Variants in RBMS3 observed in about 807,000 individuals in gnomAD.
The protein encoded by RBMS3 is RNA-binding motif, single-stranded-interacting protein 3.
Under a neutral mutation model 66.8 loss-of-function variants are expected in RBMS3, and 27 were observed. The ratio of observed to expected loss-of-function variants is 0.40; its 90% confidence interval spans 0.30 to 0.56. The LOEUF is 0.56. Among genes scored for constraint, RBMS3 ranks in the 20% least tolerant of loss-of-function variants. The pLI is 0.40. For missense variants in RBMS3, 513 were observed against 549.5 expected, an observed-to-expected ratio of 0.93 and a Z score of 0.66; for synonymous variants, 188 against 183.0, an observed-to-expected ratio of 1.03 and a Z score of -0.22.
chr3:29,640,137 A>G (rs1209709221), intron 4 of RBMS3, among the ~76,000 whole-genome samples: 4 of 151,830 alleles, frequency 2.6e-5, no homozygotes, highest in Non-Finnish European at 5.9e-5. Flanking sequence ...AGAATGGCAT[A>G]TGAGCAGATA....
At chr3:29,663,439 T>C (rs909769687) in intron 4 of RBMS3, among the ~76,000 whole-genome samples, 2 of 152,338 alleles carry the variant, frequency 1.3e-5, no homozygotes, top group Admixed American at 6.5e-5. Flanking sequence ...TTTTGTAGTT[T>C]TGATTAATAA....
At chr3:29,708,345 A>T (rs2053004517) in intron 4 of RBMS3, among the ~76,000 whole-genome samples, 1 of 152,164 alleles carries the variant, frequency 6.6e-6, no homozygotes. Context: ...ATCTTGAAAG[A>T]TATAGTAGCC....
intron 4 of RBMS3, among the ~76,000 whole-genome samples, chr3:29,597,920 T>C (rs896314155): frequency 6.6e-6 from 1 of 152,136 alleles, no homozygotes; most frequent in African/African-American, 2.4e-5. Context: ...TCCCTGGTGT[T>C]CATATTTAAG....
At chr3:29,985,907 T>A (rs185939157) in intron 12 of RBMS3, among the ~76,000 whole-genome samples, 1 of 152,322 alleles carries the variant, frequency 6.6e-6, no homozygotes, top group African/African-American at 2.4e-5. Context: ...TGAACATTGC[T>A]GTATATGGCC....
intron 3 of RBMS3, among the ~76,000 whole-genome samples, chr3:29,519,696 T>C (rs980629080): frequency 6.6e-6 from 1 of 152,136 alleles, no homozygotes; most frequent in Non-Finnish European, 1.5e-5. Context: ...TAGGATAACA[T>C]TAAGGGATAG....
rs1356423068 is a variant in RBMS3, at chr3:29,543,821, A to G, written c.308-43293A>G. On this transcript the variant is annotated intron_variant, in intron 3 of 14. Coordinates refer to ENST00000383767, the MANE Select transcript of RBMS3 (RefSeq NM_001003793.3). Reference sequence around the variant, plus strand: ...TCTGTAACCTGATCCTGAAGGAACTATAAGGTACATCGTTTTTTTCAGGCT... The same window carrying G: ...TCTGTAACCTGATCCTGAAGGAACTGTAAGGTACATCGTTTTTTTCAGGCT... 2.6e-5 allele frequency among the ~76,000 whole-genome samples: 4 copies of G among 152,344 alleles called. 1 individual carries two copies. The South Asian group carries it at 8.3e-4, about 32-fold the overall frequency.
intron 6 of RBMS3, among the ~76,000 whole-genome samples, chr3:29,777,956 T>G (rs924231469): frequency 1.3e-5 from 2 of 151,938 alleles, no homozygotes; most frequent in East Asian, 3.9e-4. Context: ...ACCTTTACAT[T>G]GATTTGAAGT....
intron 3 of RBMS3, among the ~76,000 whole-genome samples, chr3:29,557,038 G>GCTT (rs2046391393): frequency 6.6e-6 from 1 of 152,100 alleles, no homozygotes; most frequent in Non-Finnish European, 1.5e-5. Flanking sequence ...TTCTCTGTCT[G>GCTT]CTTCTTTCTG....
intron 12 of RBMS3, among the ~76,000 whole-genome samples, chr3:29,972,709 G>A (rs916500134): frequency 4.6e-5 from 7 of 152,042 alleles, no homozygotes; most frequent in Non-Finnish European, 8.8e-5. Context: ...TGGCATTCAC[G>A]ATGTGTGGGC....
At chr3:29,870,723 G>A (rs916068566) in intron 7 of RBMS3, among the ~76,000 whole-genome samples, 1 of 152,032 alleles carries the variant, frequency 6.6e-6, no homozygotes, top group African/African-American at 2.4e-5. Flanking sequence ...GGTTTTAAAG[G>A]TATATTCCTA....
chr3:29,901,023 T>C (rs2060239873), intron 10 of RBMS3, among the ~76,000 whole-genome samples: 1 of 151,740 alleles, frequency 6.6e-6, no homozygotes, highest in South Asian at 2.1e-4. Context: ...TAGTTTTTTA[T>C]TTAAAGAATA....
chr3:29,751,000 A>G (rs1187283631), intron 5 of RBMS3, among the ~76,000 whole-genome samples: 1 of 152,186 alleles, frequency 6.6e-6, no homozygotes, highest in East Asian at 1.9e-4. Flanking sequence ...TCTGAAGTCA[A>G]TGCATAATAA....
At chr3:29,632,661 G>C (rs551886845) in intron 4 of RBMS3, among the ~76,000 whole-genome samples, 1 of 151,908 alleles carries the variant, frequency 6.6e-6, no homozygotes, top group South Asian at 2.1e-4. Context: ...TGATCCAAAA[G>C]CCAAGGGAAA....
At chr3:29,581,602 G>C (rs2047331328) in intron 3 of RBMS3, among the ~76,000 whole-genome samples, 1 of 152,152 alleles carries the variant, frequency 6.6e-6, no homozygotes, top group Non-Finnish European at 1.5e-5. Context: ...TAGAATTTCA[G>C]CTGAATGTAT....
At chr3:29,512,191 G>A (rs2044440376) in intron 3 of RBMS3, among the ~76,000 whole-genome samples, 2 of 151,918 alleles carry the variant, frequency 1.3e-5, no homozygotes, top group Admixed American at 1.3e-4. Flanking sequence ...TTTTTCATCA[G>A]TTAGTCAGGA....
intron 4 of RBMS3, among the ~76,000 whole-genome samples, chr3:29,645,465 C>T (rs750205353): frequency 6.6e-6 from 1 of 152,116 alleles, no homozygotes; most frequent in African/African-American, 2.4e-5. Flanking sequence ...CCATTATTGC[C>T]ATTTATGAAT....
At chr3:29,325,881 T>C (rs958625852) in intron 1 of RBMS3, among the ~76,000 whole-genome samples, 4 of 152,180 alleles carry the variant, frequency 2.6e-5, no homozygotes, top group African/African-American at 9.7e-5. Flanking sequence ...GCCTGGGCTA[T>C]TACTCTCTTT....
At chr3:29,300,900 A>G (rs1049358329) in intron 1 of RBMS3, among the ~76,000 whole-genome samples, 1 of 151,978 alleles carries the variant, frequency 6.6e-6, no homozygotes, top group Non-Finnish European at 1.5e-5. Flanking sequence ...ACAAAAGGCA[A>G]TGAAACAGAA....
In RBMS3 at chr3:29,860,140, T is replaced by A. The variant is rs2059177788; in HGVS notation, c.638-8718T>A. Among the ~76,000 whole-genome samples, 4 of 152,164 alleles carry A rather than the reference T, an allele frequency of 2.6e-5. No homozygotes were observed. The South Asian group carries it at 8.3e-4, about 32-fold the overall frequency. On this transcript the variant is annotated intron_variant, in intron 6 of 14. Transcript: ENST00000383767. Reference sequence around the variant, plus strand: ...TATTTCTAGCATTTTTCCATAAATATTTTTTGTTCCAAATCAGTATAAACT... The same window carrying A: ...TATTTCTAGCATTTTTCCATAAATAATTTTTGTTCCAAATCAGTATAAACT...
Sources: allele counts gnomAD v4.1 joint callset (sites outside exome capture counted in the v4.1 genomes callset), GRCh38; gene constraint gnomAD v4.1.1; transcripts MANE v1.5; gene names NCBI Gene and HGNC (gene_info 2026-07-23, HGNC 2026-07-21).